Variants in MAML3 observed in about 807,000 individuals in gnomAD.
MAML3 encodes the protein mastermind-like protein 3.
A neutral mutation model predicts 101.9 loss-of-function variants in MAML3; 27 were observed. The ratio of observed to expected loss-of-function variants is 0.27; its 90% CI spans 0.20 to 0.37. The LOEUF is 0.37. MAML3 is among the 10% of genes least tolerant of loss of function. The pLI is 1.00. For synonymous variants in MAML3, 501 were observed against 555.9 expected, an observed-to-expected ratio of 0.90 and a Z score of 1.39; for missense variants, 1,316 against 1,444.9, an observed-to-expected ratio of 0.91 and a Z score of 1.45.
At chr4:139,796,622 C>T (rs760068345) in intron 2 of MAML3, among the ~76,000 whole-genome samples, 1 of 152,106 alleles carries the variant, frequency 6.6e-6, no homozygotes, top group African/African-American at 2.4e-5. Context: ...AAAAATCAAC[C>T]AACCGATCAA....
intron 1 of MAML3, among the ~76,000 whole-genome samples, chr4:140,006,755 T>C (rs1423318675): frequency 1.3e-5 from 2 of 152,092 alleles, no homozygotes; most frequent in Non-Finnish European, 2.9e-5. Flanking sequence ...TAGCTGGAGA[T>C]GAATTAAAAT....
intron 1 of MAML3, among the ~76,000 whole-genome samples, chr4:140,001,028 C>CA (rs542145405): frequency 2.4e-4 from 36 of 149,778 alleles, no homozygotes; most frequent in Non-Finnish European, 3.3e-4. Context: ...AACTCCGTCT[C>CA]AAAAAAAAGA....
At chr4:139,855,656 A>G (rs574795114) in intron 2 of MAML3, among the ~76,000 whole-genome samples, 90 of 152,170 alleles carry the variant, frequency 5.9e-4, no homozygotes, top group Non-Finnish European at 8.2e-4. Flanking sequence ...TGCTTCCTTT[A>G]CCTTATGAAG....
chr4:139,890,770 G>A lies in MAML3; in HGVS notation c.666C>T (p.Asp222=). 6.2e-7 allele frequency: 1 copy of A among 1,613,986 alleles called. No individual in the cohort carries two copies. The highest frequency in any genetic ancestry group is 8.5e-7 in the Non-Finnish European group (1 of 1,179,840). ...LPSASPLHQL[D]LKPSLPLQNS... ...TCTGCAAGGGCAAAGAAGGTTTCAG[G>A]TCAAGTTGGTGAAGAGGAGAAGCTG... Residue 222 remains aspartate (D), a synonymous_variant, in exon 2 of 5, where the codon GAC becomes GAT. Transcript: ENST00000509479. The surrounding 1 kb of genome is among the most constrained non-coding windows in gnomAD (Gnocchi z 4.1).
chr4:139,993,468 C>CTTTTA (rs904525036), intron 1 of MAML3, among the ~76,000 whole-genome samples: 2 of 150,858 alleles, frequency 1.3e-5, no homozygotes, highest in Non-Finnish European at 3.0e-5. Context: ...CAGTATGGTT[C>CTTTTA]TTTTCTTTTC....
At chr4:139,749,366 G>T (rs576682548) in intron 2 of MAML3, among the ~76,000 whole-genome samples, 1 of 152,324 alleles carries the variant, frequency 6.6e-6, no homozygotes, top group Non-Finnish European at 1.5e-5. Context: ...AGGTTTGGTG[G>T]CATTAACATA....
At chr4:139,857,917 C>T (rs1731693043) in intron 2 of MAML3, among the ~76,000 whole-genome samples, 1 of 152,190 alleles carries the variant, frequency 6.6e-6, no homozygotes, top group Non-Finnish European at 1.5e-5. Context: ...TTCTTTCTCT[C>T]TCTCAAGTGT....
intron 1 of MAML3, among the ~76,000 whole-genome samples, chr4:140,115,922 T>C (rs555196290): frequency 7.2e-5 from 11 of 152,328 alleles, no homozygotes; most frequent in African/African-American, 1.9e-4. Flanking sequence ...AGAAAATATT[T>C]ACTAATTCAC....
chr4:139,879,520 TGA>T (rs1183970080), intron 2 of MAML3, among the ~76,000 whole-genome samples: 1 of 85,436 alleles, frequency 1.2e-5, no homozygotes, highest in African/African-American at 4.0e-5. Flanking sequence ...AGTGAGGCTC[TGA>T]CTGAAAAAAA....
At position 139,822,225 on chromosome 4, in the gene MAML3, TCACCACCAC is replaced by T. The variant is rs34942904; in HGVS notation, c.2079+67123_2079+67131del. On this transcript the variant is annotated intron_variant, in intron 2 of 4. Coordinates refer to ENST00000509479, the MANE Select transcript of MAML3 (RefSeq NM_018717.5). ...AGGATCATCATTATCATTATCACCA[TCACCACCAC>T]CACCACCACCACCACCACCACCACC... Among the ~76,000 whole-genome samples the T allele has an allele frequency of 7.1e-3, 902 of 126,668 alleles. 13 individuals carry two copies. Among genetic ancestry groups the T allele is most frequent in the African/African-American group, 0.023 (796 of 34,096 alleles). 83.1% of individuals were successfully genotyped at this position (126,668 alleles called of 152,430 possible).
intron 1 of MAML3, among the ~76,000 whole-genome samples, chr4:140,146,756 T>C (rs1194117031): frequency 2.0e-5 from 3 of 152,152 alleles, no homozygotes; most frequent in African/African-American, 7.2e-5. Context: ...AAGCATATTA[T>C]AATATTTTCC....
chr4:139,928,614 A>T (rs1733316299), intron 1 of MAML3, among the ~76,000 whole-genome samples: 1 of 152,220 alleles, frequency 6.6e-6, no homozygotes, highest in South Asian at 2.1e-4. Flanking sequence ...TAGCTTGAGT[A>T]AAAGCACAAA....
chr4:139,771,080 C>T (rs543445032), intron 2 of MAML3, among the ~76,000 whole-genome samples: 6 of 152,326 alleles, frequency 3.9e-5, no homozygotes, highest in South Asian at 2.1e-4. Flanking sequence ...CTACAGTACT[C>T]GGAATCTTAC....
At chr4:139,750,370 G>A (rs899827430) in intron 2 of MAML3, among the ~76,000 whole-genome samples, 16 of 152,204 alleles carry the variant, frequency 1.1e-4, no homozygotes, top group Non-Finnish European at 1.5e-4. Context: ...CCTCCTAGGC[G>A]GTGGGTCGTG....
intron 1 of MAML3, among the ~76,000 whole-genome samples, chr4:140,000,314 T>C (rs1734898597): frequency 6.6e-6 from 1 of 151,238 alleles, no homozygotes; most frequent in South Asian, 2.1e-4. Context: ...ATCCATAACC[T>C]CTATTCCCCT....
intron 1 of MAML3, among the ~76,000 whole-genome samples, chr4:140,152,176 C>G (rs1369435995): frequency 1.3e-5 from 2 of 152,194 alleles, no homozygotes; most frequent in Non-Finnish European, 2.9e-5. Context: ...CGGAGCGCAC[C>G]CGCGCCCCGC....
chr4:139,992,868 T>C (rs72933762), intron 1 of MAML3, among the ~76,000 whole-genome samples: 3,444 of 152,330 alleles, frequency 0.023, 131 homozygotes, highest in African/African-American at 0.078. Flanking sequence ...ATTTTGTGTC[T>C]TTTTAAATAC....
At chr4:139,882,087 T>C (rs924021163) in intron 2 of MAML3, among the ~76,000 whole-genome samples, 2 of 152,084 alleles carry the variant, frequency 1.3e-5, no homozygotes, top group African/African-American at 4.8e-5. Flanking sequence ...AAAAATGTGA[T>C]AAAATGAAAT....
intron 1 of MAML3, among the ~76,000 whole-genome samples, chr4:139,961,732 T>C (rs1359004452): frequency 1.3e-5 from 2 of 152,214 alleles, no homozygotes; most frequent in Non-Finnish European, 1.5e-5. Flanking sequence ...GTTATGTCAC[T>C]CTTTGGAAAA....
Sources: allele counts gnomAD v4.1 joint callset (sites outside exome capture counted in the v4.1 genomes callset), GRCh38; gene constraint gnomAD v4.1.1; non-coding constraint Gnocchi (gnomAD v3.1); transcripts MANE v1.5; gene names NCBI Gene and HGNC (gene_info 2026-07-23, HGNC 2026-07-21).